The following MTR variants were observed in gnomAD, a reference collection of about 807,000 sequenced individuals.
MTR encodes 5-methyltetrahydrofolate-homocysteine methyltransferase.
In MTR, 84 loss-of-function variants were observed where a neutral mutation model predicts 154.8. The observed-to-expected ratio is 0.54, with a 90% CI of 0.45 to 0.65. The LOEUF is 0.65. MTR is among the 30% of genes least tolerant of loss of function. The probability of loss-of-function intolerance (pLI) is 0.00; values close to 1 mark genes in which losing one functional copy is unlikely to be tolerated. For missense variants in MTR, 1,275 were observed against 1,570.2 expected (o/e 0.81, Z 3.18); for synonymous variants, 554 against 553.9 (o/e 1.00, Z 0.00).
intron 13 of MTR, among the ~76,000 whole-genome samples, chr1:236,835,307 T>C (rs1213990708): frequency 6.6e-6 from 1 of 151,984 alleles, no homozygotes; most frequent in Non-Finnish European, 1.5e-5. Context: ...ATTTAGAATC[T>C]TTATGGTAGG....
chr1:236,795,692 A>G lies in MTR; in HGVS notation c.-12A>G. 3.1e-6 allele frequency: 5 copies of G among 1,614,050 alleles called. No homozygotes were observed. The highest frequency in any genetic ancestry group is 3.4e-6 in the Non-Finnish European group (4 of 1,180,022). On this transcript the variant is annotated 5_prime_UTR_variant, in exon 1 of 33. Coordinates refer to ENST00000366577, the MANE Select transcript of MTR (RefSeq NM_000254.3). Reference sequence around the variant, plus strand: ...CTGCCGCGCCCTCTGCGCAAGGAGGAGACTCGACAACATGTCACCCGCGCT... The same window carrying G: ...CTGCCGCGCCCTCTGCGCAAGGAGGGGACTCGACAACATGTCACCCGCGCT...
At chr1:236,805,666 C>T (rs935130349) in intron 2 of MTR, among the ~76,000 whole-genome samples, 2 of 151,522 alleles carry the variant, frequency 1.3e-5, no homozygotes, top group Admixed American at 6.6e-5. Context: ...GCTAATTTTT[C>T]GTGTTGTTTT....
At chr1:236,847,584 T>C (rs1343172632) in intron 15 of MTR, among the ~76,000 whole-genome samples, 2 of 152,218 alleles carry the variant, frequency 1.3e-5, no homozygotes, top group Non-Finnish European at 1.5e-5. Context: ...TCTTGCTGCT[T>C]AGAATCTCAC....
chr1:236,872,388 C>T (rs768562635), intron 22 of MTR, among the ~76,000 whole-genome samples: 2 of 152,172 alleles, frequency 1.3e-5, no homozygotes, highest in Admixed American at 1.3e-4. Context: ...CACTCTCCCT[C>T]TTTTTCTTGC....
chr1:236,816,395 C>A, intron 7 of MTR, 54 bp from the exon 8 acceptor site: 1 of 1,463,748 alleles, frequency 6.8e-7, no homozygotes, highest in Non-Finnish European at 9.6e-7. Flanking sequence ...GCCTTTATAT[C>A]TATATTCTTA....
chr1:236,890,530 A>G (rs1666258203), intron 28 of MTR, among the ~76,000 whole-genome samples: 1 of 152,116 alleles, frequency 6.6e-6, no homozygotes, highest in South Asian at 2.1e-4. Context: ...CATGCTTTGT[A>G]TTCTGTGGTG....
rs144991102 is a variant in MTR, at chr1:236,894,379, C to T, written c.3227C>T (p.Thr1076Met). The change falls in exon 30 of 33, where the codon ACG (threonine) becomes ATG (methionine). Residue 1076 changes from threonine to methionine, a missense_variant. Physicochemically the swap from Thr to Met is moderately conservative, Grantham distance 81. Coordinates refer to ENST00000366577, the MANE Select transcript of MTR (RefSeq NM_000254.3). ...AAGGCTGAGAAGGACTCTGCCAGCA[C>T]GGAGCCATACTACTGCCTCTCAGAC... The part of the protein sequence containing the change: ...RQQAEKDSAS[T>M]EPYYCLSDFI... The T allele has an allele frequency of 9.7e-5, 157 of 1,614,230 alleles. No individual in the cohort carries two copies. The African/African-American group carries it at 1.7e-3, about 17-fold the overall frequency.
Position 236,834,824 on chromosome 1 carries a change from T to C in MTR, c.1189-723T>C, listed in dbSNP as rs191545204. ...TATATAAGACTTTTTGGAACACTTA[T>C]CCTACAAAATATTCCTTAGACGATC... On this transcript the variant is annotated intron_variant, in intron 13 of 32. Coordinates refer to ENST00000366577, the MANE Select transcript of MTR (RefSeq NM_000254.3). Among the ~76,000 whole-genome samples, 56 of 152,318 alleles carry C rather than the reference T, an allele frequency of 3.7e-4. No homozygotes were observed. The East Asian group carries it at 4.4e-3, about 12-fold the overall frequency.
At position 236,859,893 on chromosome 1, in the gene MTR, G is replaced by C; in HGVS notation, c.2014G>C (p.Glu672Gln). The C allele has an allele frequency of 6.2e-7, 1 of 1,613,982 alleles. No homozygotes were observed. The highest frequency in any genetic ancestry group is 1.7e-5 in the Admixed American group (1 of 60,014). Reference sequence around the variant, plus strand: ...TGATGAGTGGAGAAATGGCCCTGTCGAAGAACGCCTTGAGTATGCCCTTGT... The same window carrying C: ...TGATGAGTGGAGAAATGGCCCTGTCCAAGAACGCCTTGAGTATGCCCTTGT... ...QTDEWRNGPVEERLEYALVKG... is the reference protein window; with the variant it reads ...QTDEWRNGPVQERLEYALVKG... Residue 672 changes from glutamate (E) to glutamine (Q), a missense_variant, in exon 19 of 33, where the codon GAA becomes CAA. By Grantham distance (29) the Glu-to-Gln change is conservative (BLOSUM62 2). Coordinates refer to ENST00000366577, the MANE Select transcript of MTR (RefSeq NM_000254.3).
chr1:236,868,655 G>A (rs890849349), intron 22 of MTR, among the ~76,000 whole-genome samples: 3 of 152,120 alleles, frequency 2.0e-5, no homozygotes, highest in East Asian at 1.9e-4. Flanking sequence ...AGAAAAATAC[G>A]CTATTTCATG....
chr1:236,852,123 A>G (rs2103249992), intron 16 of MTR, among the ~76,000 whole-genome samples: 1 of 152,292 alleles, frequency 6.6e-6, no homozygotes, highest in African/African-American at 2.4e-5. Flanking sequence ...GTATGGTTGG[A>G]ACTTCAATTT....
In MTR at chr1:236,795,339, G is replaced by A. The variant is rs1660302206; in HGVS notation, c.-365G>A. On this transcript the variant is annotated 5_prime_UTR_variant, in exon 1 of 33. Transcript: ENST00000366577. ...GTTCTAAATGTCTGCGGGGCTCAGA[G>A]CCGGATGTCACGTCGTCCTCCTCTG... 7.6e-7 allele frequency: 1 copy of A among 1,313,316 alleles called. No individual in the cohort carries two copies. The highest frequency in any genetic ancestry group is 9.9e-7 in the Non-Finnish European group (1 of 1,006,498). 81.4% of individuals were successfully genotyped at this position (1,313,316 alleles called of 1,614,324 possible).
chr1:236,836,709 A>C (rs1662929954), intron 14 of MTR, among the ~76,000 whole-genome samples: 1 of 152,222 alleles, frequency 6.6e-6, no homozygotes, highest in Non-Finnish European at 1.5e-5. Context: ...TTTGTGTCTT[A>C]AAACTCTTTA....
chr1:236,847,435 T>C (rs1281223792), intron 15 of MTR, among the ~76,000 whole-genome samples: 1 of 152,234 alleles, frequency 6.6e-6, no homozygotes, highest in East Asian at 1.9e-4. Flanking sequence ...CATTACTGCC[T>C]GAGTGTGTGA....
In MTR at chr1:236,880,909, G is replaced by A; in HGVS notation, c.2676+73G>A. On this transcript the variant is annotated intron_variant, in intron 25 of 32. Coordinates refer to ENST00000366577, the MANE Select transcript of MTR (RefSeq NM_000254.3). ...CATTACAAGTAAGGGTTTAACTTAA[G>A]ATCTATTCATTTTTATTCAGTTCTA... is the stretch of plus-strand genomic sequence containing the variant. 2.2e-6 allele frequency: 3 copies of A among 1,393,224 alleles called. No individual in the cohort carries two copies. In the Middle Eastern group the frequency reaches 5.3e-4, roughly 247 times the overall value. The allele number at this position is 1,393,224 out of a possible 1,614,324, so 86.3% of individuals were successfully genotyped here.
At chr1:236,810,368 A>T in intron 4 of MTR, 135 bp from the exon 5 acceptor site, 1 of 774,146 alleles carries the variant, frequency 1.3e-6, no homozygotes. Context: ...GGGCTTTTAG[A>T]GCTTTTTGGA....
In MTR at chr1:236,884,889, T is replaced by C. The variant is rs375996123; in HGVS notation, c.2677-232T>C. Among the ~76,000 whole-genome samples, 8 of 152,262 alleles carry C rather than the reference T, an allele frequency of 5.3e-5. No homozygotes were observed. The East Asian group carries it at 1.5e-3, about 29-fold the overall frequency. ...GGCTGTCCCAAGGGTTTAGAGTTTG[T>C]CTCCCAGAAACCAGTCAAAGGCCAG... On this transcript the variant is annotated intron_variant, in intron 25 of 32. Coordinates refer to ENST00000366577, the MANE Select transcript of MTR (RefSeq NM_000254.3).
At position 236,902,530 on chromosome 1, in the gene MTR, C is replaced by G. The variant is rs1275035804; in HGVS notation, c.*4886C>G. On this transcript the variant is annotated 3_prime_UTR_variant, in exon 33 of 33. Coordinates refer to ENST00000366577, the MANE Select transcript of MTR (RefSeq NM_000254.3). ...AAGGTTGTCTTGAATTGAGCAGATC[C>G]TCTAGGGACAGGAGTTGGATGGAGA... 6.6e-6 allele frequency: 1 copy of G among 152,234 alleles called. No individual in the cohort carries two copies. Among genetic ancestry groups the G allele is most frequent in the Non-Finnish European group, 1.5e-5 (1 of 68,104 alleles). 9.4% of individuals were successfully genotyped at this position (152,234 alleles called of 1,614,324 possible). A position where few individuals can be genotyped will look rare whatever the true frequency, so the allele number is the denominator to read the frequency against.
At chr1:236,808,007 A>G (rs972427464) in intron 3 of MTR, among the ~76,000 whole-genome samples, 1 of 152,182 alleles carries the variant, frequency 6.6e-6, no homozygotes, top group African/African-American at 2.4e-5. Flanking sequence ...TCTGGTTGTT[A>G]AATTCCTGGA....
Sources: allele counts gnomAD v4.1 joint callset (sites outside exome capture counted in the v4.1 genomes callset), GRCh38; gene constraint gnomAD v4.1.1; transcripts MANE v1.5; gene names NCBI Gene and HGNC (gene_info 2026-07-23, HGNC 2026-07-21).